Variants in PLEKHM3 observed in about 807,000 individuals in gnomAD.
PLEKHM3 encodes pleckstrin homology domain-containing family M member 3.
PLEKHM3 carries 45 observed loss-of-function variants against 81.8 expected under a neutral mutation model. The ratio of observed to expected loss-of-function variants is 0.55; its 90% CI spans 0.43 to 0.71. PLEKHM3 has a LOEUF of 0.71. PLEKHM3 is among the 30% of genes least tolerant of loss of function. The pLI is 0.00. For synonymous variants in PLEKHM3, 352 were observed against 356.4 expected, an observed-to-expected ratio of 0.99 and a Z score of 0.14; for missense variants, 788 against 924.3, an observed-to-expected ratio of 0.85 and a Z score of 1.91.
At chr2:207,898,662 G>A (rs1248713511) in intron 6 of PLEKHM3, among the ~76,000 whole-genome samples, 1 of 152,144 alleles carries the variant, frequency 6.6e-6, no homozygotes, top group Non-Finnish European at 1.5e-5. Context: ...GGGGGCTGAG[G>A]TGGGAGGATT....
chr2:207,946,303 T>G, intron 4 of PLEKHM3, 64 bp downstream of exon 4: 1 of 1,533,072 alleles, frequency 6.5e-7, no homozygotes. Flanking sequence ...ATCTTTATAA[T>G]CCACCTGAGA....
chr2:208,011,390 T>C (rs1368457728), intron 1 of PLEKHM3, among the ~76,000 whole-genome samples: 1 of 152,166 alleles, frequency 6.6e-6, no homozygotes, highest in Non-Finnish European at 1.5e-5. Flanking sequence ...TATATATCTA[T>C]ACATCATATA....
chr2:207,930,671 C>A (rs990377663), intron 5 of PLEKHM3, among the ~76,000 whole-genome samples: 1 of 152,162 alleles, frequency 6.6e-6, no homozygotes, highest in African/African-American at 2.4e-5. Flanking sequence ...CCGTCCTGGG[C>A]ACTCGATCCA....
At chr2:207,859,140 T>TC (rs1478099036) in intron 7 of PLEKHM3, among the ~76,000 whole-genome samples, 9 of 139,310 alleles carry the variant, frequency 6.5e-5, no homozygotes, top group East Asian at 5.8e-4. Context: ...CTTTTTCTTT[T>TC]TTTTTTTTTT....
intron 3 of PLEKHM3, among the ~76,000 whole-genome samples, chr2:207,970,897 A>G (rs1034411774): frequency 2.0e-5 from 3 of 152,258 alleles, no homozygotes; most frequent in Admixed American, 2.0e-4. Context: ...TGCCAGAGAG[A>G]TGTAATTACC....
At chr2:207,950,205 C>A (rs892454157) in intron 3 of PLEKHM3, among the ~76,000 whole-genome samples, 1 of 152,164 alleles carries the variant, frequency 6.6e-6, no homozygotes, top group Non-Finnish European at 1.5e-5. Flanking sequence ...TAGAACCAGG[C>A]TATCCTACTC....
intron 3 of PLEKHM3, among the ~76,000 whole-genome samples, chr2:207,954,271 C>A (rs923015575): frequency 6.6e-6 from 1 of 152,032 alleles, no homozygotes; most frequent in African/African-American, 2.4e-5. Flanking sequence ...CAGGAGAATA[C>A]CTTGAGCCCA....
intron 2 of PLEKHM3, among the ~76,000 whole-genome samples, chr2:207,983,434 C>T (rs1164750861): frequency 6.6e-6 from 1 of 152,054 alleles, no homozygotes; most frequent in Non-Finnish European, 1.5e-5. Context: ...ATTTATTTTG[C>T]AAATGAGTAA....
chr2:208,010,464 A>G (rs1692652822), intron 1 of PLEKHM3, among the ~76,000 whole-genome samples: 1 of 152,254 alleles, frequency 6.6e-6, no homozygotes, highest in Non-Finnish European at 1.5e-5. Context: ...GATGTTTTCC[A>G]TCTCCCTTTG....
intron 6 of PLEKHM3, among the ~76,000 whole-genome samples, chr2:207,893,411 C>T (rs376806336): frequency 2.0e-5 from 3 of 152,196 alleles, no homozygotes; most frequent in African/African-American, 7.2e-5. Context: ...ATTATACACA[C>T]ACCTAAAATG....
intron 3 of PLEKHM3, among the ~76,000 whole-genome samples, chr2:207,959,422 G>T (rs1690655173): frequency 6.6e-6 from 1 of 152,184 alleles, no homozygotes; most frequent in South Asian, 2.1e-4. Flanking sequence ...TACCTGAAAA[G>T]CAACCTGTCT....
chr2:207,875,565 A>G (rs1289034051), intron 6 of PLEKHM3, among the ~76,000 whole-genome samples: 4 of 152,214 alleles, frequency 2.6e-5, no homozygotes, highest in African/African-American at 9.7e-5. Flanking sequence ...AATTTACACT[A>G]CAGAGATATT....
intron 4 of PLEKHM3, among the ~76,000 whole-genome samples, chr2:207,943,566 A>C (rs951423484): frequency 1.3e-5 from 2 of 152,200 alleles, no homozygotes; most frequent in African/African-American, 4.8e-5. Context: ...TAATGCAAGG[A>C]TAGAAATGCT....
chr2:207,847,117 C>T (rs2092387963), intron 7 of PLEKHM3, among the ~76,000 whole-genome samples: 1 of 152,150 alleles, frequency 6.6e-6, no homozygotes, highest in African/African-American at 2.4e-5. Context: ...GTCTAGGTGA[C>T]AGCCATCTAT....
chr2:207,898,491 C>T (rs1177789230), intron 6 of PLEKHM3, among the ~76,000 whole-genome samples: 3 of 152,168 alleles, frequency 2.0e-5, no homozygotes, highest in African/African-American at 4.8e-5. Context: ...TGCTGGCTCA[C>T]GCCTGTAATC....
At chr2:207,930,680 C>G (rs1689560312) in intron 5 of PLEKHM3, among the ~76,000 whole-genome samples, 1 of 152,128 alleles carries the variant, frequency 6.6e-6, no homozygotes, top group Non-Finnish European at 1.5e-5. Flanking sequence ...GCACTCGATC[C>G]ATGGGTGAAA....
At chr2:207,896,604 T>C (rs984410141) in intron 6 of PLEKHM3, among the ~76,000 whole-genome samples, 6 of 152,200 alleles carry the variant, frequency 3.9e-5, no homozygotes. Context: ...CATCAGTTAA[T>C]TCTAAGAGTA....
chr2:207,895,700 G>A (rs1688201576), intron 6 of PLEKHM3, among the ~76,000 whole-genome samples: 1 of 152,140 alleles, frequency 6.6e-6, no homozygotes, highest in African/African-American at 2.4e-5. Context: ...AACCTGACTG[G>A]TGCTGCCCGT....
intron 5 of PLEKHM3, among the ~76,000 whole-genome samples, chr2:207,928,490 CAAT>C (rs1162702913): frequency 6.6e-6 from 1 of 152,220 alleles, no homozygotes. Flanking sequence ...ATATTAATAA[CAAT>C]AATAGTATTT....
Sources: gnomAD v4.1 joint callset for allele counts (sites outside exome capture counted in the v4.1 genomes callset) on GRCh38, gnomAD v4.1.1 for gene constraint, MANE v1.5 for transcripts, NCBI Gene and HGNC (gene_info 2026-07-23, HGNC 2026-07-21) for gene names.